The following GSE1 variants were observed in gnomAD, a reference collection of about 807,000 sequenced individuals.
The protein encoded by GSE1 is genetic suppressor element 1.
Under a neutral mutation model 112.6 loss-of-function variants are expected in GSE1, and 32 were observed. The observed-to-expected ratio is 0.28, with a 90% CI of 0.21 to 0.38. The LOEUF (loss-of-function observed/expected upper bound fraction) is 0.38. Among genes scored for constraint, GSE1 ranks in the 10% least tolerant of loss-of-function variants. The pLI is 1.00. For missense variants in GSE1, 2,348 were observed against 1,699.2 expected (o/e 1.38, Z -6.71); for synonymous variants, 1,115 against 735.6 (o/e 1.52, Z -8.35).
chr16:85,510,428 G>GTGTGTGTCTGTGTGTC (rs1219490770), intron 2 of GSE1, among the ~76,000 whole-genome samples: 1 of 152,118 alleles, frequency 6.6e-6, no homozygotes, highest in Non-Finnish European at 1.5e-5. Flanking sequence ...GTCTGTGTGT[G>GTGTGTGTCTGTGTGTC]TGTGTGTCAG....
rs1331369204 is a variant in GSE1 at position 85,361,208 on chromosome 16, C to T, written c.2464+3565C>T. On this transcript the variant is annotated intron_variant, in intron 2 of 2. Transcript: ENST00000637419. ...CAGGCACAGACCCCCCACACACAAA[C>T]ACACAGACGCACACGGGGCAGAGAC... is the stretch of plus-strand genomic sequence containing the variant. 9.7e-5 allele frequency among the ~76,000 whole-genome samples: 13 copies of T among 134,390 alleles called. 1 individual carries two copies. Among genetic ancestry groups the T allele is most frequent in the East Asian group, 8.6e-4 (4 of 4,632 alleles). The allele number at this position is 134,390 out of a possible 152,430, so 88.2% of individuals were successfully genotyped here.
At chr16:85,227,201 A>G (rs894617910) in intron 1 of GSE1, among the ~76,000 whole-genome samples, 2 of 152,210 alleles carry the variant, frequency 1.3e-5, no homozygotes, top group African/African-American at 4.8e-5. Context: ...AGACATAGCA[A>G]TGAACAAAAC....
chr16:85,226,758 G>GGTGTGTGTGTGTGTGT (rs55999145), intron 1 of GSE1, among the ~76,000 whole-genome samples: 8 of 104,890 alleles, frequency 7.6e-5, no homozygotes, highest in African/African-American at 2.7e-4. Flanking sequence ...TGCCTGGACT[G>GGTGTGTGTGTGTGTGT]GTGTGTGTGT....
chr16:85,246,981 A>C (rs1905922106), intron 1 of GSE1, among the ~76,000 whole-genome samples: 1 of 152,048 alleles, frequency 6.6e-6, no homozygotes, highest in Non-Finnish European at 1.5e-5. Flanking sequence ...TACAATTTTA[A>C]GTGGCTCGGG....
At chr16:85,301,856 G>A (rs1259154148) in intron 1 of GSE1, among the ~76,000 whole-genome samples, 1 of 152,184 alleles carries the variant, frequency 6.6e-6, no homozygotes, top group Non-Finnish European at 1.5e-5. Context: ...CCAGGAACCC[G>A]TGACCTTGTC....
intron 1 of GSE1, among the ~76,000 whole-genome samples, chr16:85,565,815 C>A (rs1289463876): frequency 6.6e-6 from 1 of 152,192 alleles, no homozygotes; most frequent in Non-Finnish European, 1.5e-5. Context: ...CAGGAGGGAC[C>A]CTGGGTCTCG....
intron 1 of GSE1, among the ~76,000 whole-genome samples, chr16:85,619,556 G>A (rs1330544036): frequency 2.6e-5 from 4 of 152,350 alleles, no homozygotes; most frequent in Non-Finnish European, 5.9e-5. Context: ...GACGGCAGGC[G>A]CTCTTACGTG....
At chr16:85,235,819 C>T (rs1904577296) in intron 1 of GSE1, among the ~76,000 whole-genome samples, 1 of 151,982 alleles carries the variant, frequency 6.6e-6, no homozygotes, top group Admixed American at 6.5e-5. Context: ...CTGGCTGGAG[C>T]CAGGAGCTGA....
intron 2 of GSE1, among the ~76,000 whole-genome samples, chr16:85,437,116 A>C (rs918174831): frequency 5.9e-5 from 9 of 152,140 alleles, no homozygotes; most frequent in East Asian, 1.9e-4. Context: ...ATTTCCCATT[A>C]AGGGAGGTGG....
At chr16:85,447,224 C>G (rs943054681) in intron 2 of GSE1, among the ~76,000 whole-genome samples, 2 of 152,254 alleles carry the variant, frequency 1.3e-5, no homozygotes, top group African/African-American at 4.8e-5. Flanking sequence ...GCACCCCCAG[C>G]CCTCCGTGGT....
chr16:85,387,002 A>G lies in GSE1; in HGVS notation c.2464+29359A>G, dbSNP rs116223381. On this transcript the variant is annotated intron_variant, in intron 2 of 2. Transcript: ENST00000637419. ...CACGCAGCATCACACAGGGTCTTCTAGCACCAGCTCCCTGAGTTCTTGACA... is the reference window on the plus strand; with the variant it reads ...CACGCAGCATCACACAGGGTCTTCTGGCACCAGCTCCCTGAGTTCTTGACA... 3.0e-3 allele frequency among the ~76,000 whole-genome samples: 462 copies of G among 152,306 alleles called. 2 individuals are homozygous for G. Among genetic ancestry groups the G allele is most frequent in the African/African-American group, 0.011 (454 of 41,554 alleles).
intron 1 of GSE1, among the ~76,000 whole-genome samples, chr16:85,282,050 C>T (rs1555552113): frequency 6.7e-6 from 1 of 149,166 alleles, no homozygotes; most frequent in East Asian, 2.0e-4. Flanking sequence ...TTTTTTGAGA[C>T]AGAGGCTCAC....
intron 2 of GSE1, among the ~76,000 whole-genome samples, chr16:85,402,242 G>C (rs2048132438): frequency 6.6e-6 from 1 of 152,146 alleles, no homozygotes; most frequent in Non-Finnish European, 1.5e-5. Flanking sequence ...ACTGAAGCCA[G>C]AGCGGCCTGT....
At chr16:85,413,517 G>A (rs1315500912) in intron 2 of GSE1, among the ~76,000 whole-genome samples, 1 of 152,192 alleles carries the variant, frequency 6.6e-6, no homozygotes, top group Non-Finnish European at 1.5e-5. Context: ...AGGGTGGGCT[G>A]AGGGTCCCGG....
chr16:85,471,928 C>T (rs543356050), intron 2 of GSE1, among the ~76,000 whole-genome samples: 12 of 152,278 alleles, frequency 7.9e-5, no homozygotes, highest in African/African-American at 2.6e-4. Flanking sequence ...GGTGGCCCCT[C>T]ATGGGGGAAA....
chr16:85,547,815 G>A (rs2044752100), intron 2 of GSE1, among the ~76,000 whole-genome samples: 1 of 149,684 alleles, frequency 6.7e-6, no homozygotes, highest in Non-Finnish European at 1.5e-5. Context: ...GGAGGCGGAG[G>A]CTGTAGTGAG....
At chr16:85,402,944 C>T (rs1350470452) in intron 2 of GSE1, among the ~76,000 whole-genome samples, 7 of 151,948 alleles carry the variant, frequency 4.6e-5, no homozygotes, top group East Asian at 1.9e-4. Context: ...CCCAAAACTT[C>T]GTGGCTCCAG....
intron 1 of GSE1, among the ~76,000 whole-genome samples, chr16:85,229,193 C>T (rs896631645): frequency 6.6e-6 from 1 of 152,190 alleles, no homozygotes; most frequent in Admixed American, 6.5e-5. Flanking sequence ...AGATCTGGCG[C>T]GGCACCAGCG....
Position 85,338,369 on chromosome 16 carries a change from A to G in GSE1, c.2284-19094A>G, listed in dbSNP as rs542834342. ...TGCTCTGAGTGGTAGATGTCCCCCA[A>G]GGTTAACAGTGCAGGCTGAGGATGA... is the stretch of plus-strand genomic sequence containing the variant. On this transcript the variant is annotated intron_variant, in intron 1 of 2. Coordinates refer to the GSE1 transcript ENST00000637419. Among the ~76,000 whole-genome samples, 18 of 152,302 alleles carry G rather than the reference A, an allele frequency of 1.2e-4. 1 individual carries two copies. The highest frequency in any genetic ancestry group is 3.4e-3 in the Middle Eastern group (1 of 294).
Sources: allele counts gnomAD v4.1 joint callset (sites outside exome capture counted in the v4.1 genomes callset), GRCh38; gene constraint gnomAD v4.1.1; transcripts MANE v1.5; gene names NCBI Gene and HGNC (gene_info 2026-07-23, HGNC 2026-07-21).